Variants in ITPR1 observed in about 807,000 individuals in gnomAD.
ITPR1 encodes the protein inositol 1,4,5-trisphosphate-gated calcium channel ITPR1.
In ITPR1, 96 loss-of-function variants were observed where a neutral mutation model predicts 318.4. The ratio of observed to expected loss-of-function variants is 0.30; its 90% confidence interval spans 0.26 to 0.36. The LOEUF is 0.36. ITPR1 is among the 10% of genes least tolerant of loss of function. The pLI is 1.00. For missense variants in ITPR1, 2,440 were observed against 3,460.2 expected (o/e 0.71, Z 7.40); for synonymous variants, 1,312 against 1,289.9 (o/e 1.02, Z -0.37).
intron 60 of ITPR1, among the ~76,000 whole-genome samples, chr3:4,819,863 T>C (rs377039955): frequency 3.2e-4 from 49 of 152,320 alleles, no homozygotes; most frequent in African/African-American, 1.2e-3. Context: ...TGCAGAATGC[T>C]GATGATGGCT....
At chr3:4,687,403 G>A (rs573115439) in intron 30 of ITPR1, among the ~76,000 whole-genome samples, 10 of 152,104 alleles carry the variant, frequency 6.6e-5, no homozygotes, top group South Asian at 2.1e-4. Flanking sequence ...TCCTTTTCAC[G>A]GATGAGTAAA....
chr3:4,814,127 CTGTT>C (rs1324038525), intron 57 of ITPR1, among the ~76,000 whole-genome samples: 1 of 152,168 alleles, frequency 6.6e-6, no homozygotes, highest in Non-Finnish European at 1.5e-5. Flanking sequence ...CATGAAAAGA[CTGTT>C]TGCGGCTGGG....
chr3:4,808,000 C>G (rs2048698355), intron 55 of ITPR1, among the ~76,000 whole-genome samples: 1 of 152,232 alleles, frequency 6.6e-6, no homozygotes, highest in Non-Finnish European at 1.5e-5. Context: ...GACCTTTCCT[C>G]CAATCTGCCT....
At chr3:4,579,902 A>T (rs1202813671) in intron 4 of ITPR1, among the ~76,000 whole-genome samples, 1 of 151,076 alleles carries the variant, frequency 6.6e-6, no homozygotes, top group Non-Finnish European at 1.5e-5. Flanking sequence ...TTGAATGTTA[A>T]ATTCAGCCTT....
intron 60 of ITPR1, among the ~76,000 whole-genome samples, chr3:4,829,505 A>C (rs1355689850): frequency 6.6e-6 from 1 of 152,190 alleles, no homozygotes; most frequent in Non-Finnish European, 1.5e-5. Context: ...AAGGATGATA[A>C]TTTTTTAATA....
intron 45 of ITPR1, among the ~76,000 whole-genome samples, chr3:4,767,409 T>C (rs1237538883): frequency 6.6e-6 from 1 of 152,186 alleles, no homozygotes; most frequent in Admixed American, 6.5e-5. Flanking sequence ...GGGGGCAAAA[T>C]CACCCCTGGC....
Position 4,835,514 on chromosome 3 carries a change from C to T in ITPR1, c.8029-1260C>T, listed in dbSNP as rs147163738. 4.9e-3 allele frequency among the ~76,000 whole-genome samples: 740 copies of T among 152,226 alleles called. 8 individuals carry two copies. Among genetic ancestry groups the T allele is most frequent in the South Asian group, 0.035 (168 of 4,818 alleles). On this transcript the variant is annotated intron_variant, in intron 60 of 61. Transcript: ENST00000649015. Reference sequence around the variant, plus strand: ...CTGAAAATATTGACACACAAAATGTCGCCGACCCCCACGGTGTACACAAAG... The same window carrying T: ...CTGAAAATATTGACACACAAAATGTTGCCGACCCCCACGGTGTACACAAAG...
chr3:4,556,238 C>T (rs1025435501), intron 4 of ITPR1, among the ~76,000 whole-genome samples: 1 of 152,104 alleles, frequency 6.6e-6, no homozygotes, highest in Non-Finnish European at 1.5e-5. Flanking sequence ...GGTGCACAGC[C>T]TCTCTCTCTA....
At chr3:4,751,602 A>G (rs1285845764) in intron 44 of ITPR1, 1 of 152,224 alleles carries the variant, frequency 6.6e-6, no homozygotes, top group African/African-American at 2.4e-5. Flanking sequence ...GCAATCCTTA[A>G]TAGCAGTAGC....
Position 4,777,339 on chromosome 3 carries a change from G to T in ITPR1, c.6256G>T (p.Gly2086Ter). ...ALILNDINPL[G>*]KKRMDLVLEL... ...GATCCTCAATGATATCAATCCTTTG[G>T]GAAAGAAGAGGATGGACCTTGTGTT... The change falls in exon 48 of 62, where the codon GGA (glycine) becomes TGA (stop). Residue 2086 changes from glycine (G) to a stop codon, truncating the protein, a stop_gained. Transcript: ENST00000649015. LOFTEE classifies it high-confidence loss of function. 1 of 1,604,082 alleles carries T rather than the reference G, an allele frequency of 6.2e-7. No homozygotes were observed.
At chr3:4,801,419 G>A (rs1197986119) in intron 54 of ITPR1, among the ~76,000 whole-genome samples, 1 of 152,166 alleles carries the variant, frequency 6.6e-6, no homozygotes, top group Admixed American at 6.5e-5. Flanking sequence ...AACAGGTCAT[G>A]TCAAGCTGAA....
intron 4 of ITPR1, among the ~76,000 whole-genome samples, chr3:4,610,988 TCCTTCTCCTTC>T (rs2092058987): frequency 1.2e-5 from 1 of 84,418 alleles, no homozygotes; most frequent in African/African-American, 5.5e-5. Flanking sequence ...CTTCTCCTTC[TCCTTCTCCTTC>T]CCTTCCCTTC....
intron 4 of ITPR1, among the ~76,000 whole-genome samples, chr3:4,536,019 C>T (rs962033787): frequency 3.9e-5 from 6 of 152,162 alleles, no homozygotes; most frequent in Non-Finnish European, 7.3e-5. Flanking sequence ...ATTGTGTGAA[C>T]TTAGAAAGCT....
chr3:4,692,161 AAG>A lies in ITPR1; in HGVS notation c.4029+824_4029+825del, dbSNP rs1178870941. On this transcript the variant is annotated intron_variant, in intron 32 of 61. Coordinates refer to ENST00000649015, the MANE Select transcript of ITPR1 (RefSeq NM_001378452.1). ...TGTCTCTTAGAAAAAAAATAAAAAA[AAG>A]AGAGAGTCGGCTCAACCTGGGATAC... 6.5e-4 allele frequency among the ~76,000 whole-genome samples: 98 copies of A among 151,712 alleles called. 1 individual carries two copies. In the South Asian group the frequency reaches 0.015, roughly 24 times the overall value.
chr3:4,759,663 C>A (rs114313297), intron 44 of ITPR1, among the ~76,000 whole-genome samples: 2 of 152,190 alleles, frequency 1.3e-5, no homozygotes, highest in Admixed American at 1.3e-4. Flanking sequence ...TCATATGGAG[C>A]TGTTTTGCCT....
chr3:4,703,031 C>A, intron 36 of ITPR1, 81 bp downstream of exon 36: 4 of 1,451,514 alleles, frequency 2.8e-6, no homozygotes, highest in East Asian at 2.3e-5. Context: ...ATTGAGCACT[C>A]ATTACAACTC....
intron 44 of ITPR1, among the ~76,000 whole-genome samples, chr3:4,741,814 C>A (rs1476110221): frequency 6.6e-6 from 1 of 152,108 alleles, no homozygotes; most frequent in East Asian, 1.9e-4. Flanking sequence ...GGTGTGTGAG[C>A]AAGTTACGTA....
intron 4 of ITPR1, among the ~76,000 whole-genome samples, chr3:4,608,897 G>T (rs1225662938): frequency 6.7e-6 from 1 of 150,342 alleles, no homozygotes; most frequent in Non-Finnish European, 1.5e-5. Context: ...AGCTACTTGG[G>T]AGGCTGAGGC....
chr3:4,608,941 G>A (rs1223928910), intron 4 of ITPR1, among the ~76,000 whole-genome samples: 1 of 146,006 alleles, frequency 6.8e-6, no homozygotes, highest in Non-Finnish European at 1.5e-5. Flanking sequence ...GGTAGAGGTT[G>A]CAGTGAGCCG....
Sources: gnomAD v4.1 joint callset for allele counts (sites outside exome capture counted in the v4.1 genomes callset) on GRCh38, gnomAD v4.1.1 for gene constraint, MANE v1.5 for transcripts, NCBI Gene and HGNC (gene_info 2026-07-23, HGNC 2026-07-21) for gene names.